Variants in NXPH2 observed in about 807,000 individuals in gnomAD.
NXPH2 encodes neurexophilin-2.
NXPH2 carries 5 observed loss-of-function variants against 19.8 expected under a neutral mutation model. That is an observed-to-expected ratio of 0.25 (90% CI 0.13 to 0.53). The LOEUF (loss-of-function observed/expected upper bound fraction) is 0.53, where lower values mean the gene tolerates loss of function less well. Ranked by LOEUF, NXPH2 falls within the 20% of genes least tolerant of loss-of-function variation. The probability of loss-of-function intolerance (pLI) is 0.96; values close to 1 mark genes in which losing one functional copy is unlikely to be tolerated. For missense variants in NXPH2, 289 were observed against 322.8 expected (o/e 0.90, Z 0.80); for synonymous variants, 154 against 127.4 (o/e 1.21, Z -1.41).
At chr2:138,709,685 G>A (rs62163199) in intron 1 of NXPH2, among the ~76,000 whole-genome samples, 22,316 of 151,840 alleles carry the variant, frequency 0.15, 2,134 homozygotes, top group South Asian at 0.29. Flanking sequence ...TATTCATCCC[G>A]TCCTCTCCCC....
At chr2:138,775,864 T>C (rs1338410515) in intron 1 of NXPH2, among the ~76,000 whole-genome samples, 1 of 152,148 alleles carries the variant, frequency 6.6e-6, no homozygotes, top group East Asian at 1.9e-4. Context: ...AATGCCAGCT[T>C]CTAACCAGCA....
At chr2:138,763,045 T>A (rs1558931932) in intron 1 of NXPH2, among the ~76,000 whole-genome samples, 1 of 152,134 alleles carries the variant, frequency 6.6e-6, no homozygotes, top group Non-Finnish European at 1.5e-5. Context: ...AAACTTTAAA[T>A]CATGAAATAA....
At chr2:138,716,530 T>C (rs1375612487) in intron 1 of NXPH2, among the ~76,000 whole-genome samples, 1 of 152,140 alleles carries the variant, frequency 6.6e-6, no homozygotes, top group East Asian at 1.9e-4. Flanking sequence ...TAAACATCTG[T>C]TGTTTCCAGA....
At position 138,780,291 on chromosome 2, in the gene NXPH2, T is replaced by A; in HGVS notation, c.-50A>T. 7.2e-7 allele frequency: 1 copy of A among 1,381,302 alleles called. No homozygotes were observed. The highest frequency in any genetic ancestry group is 9.3e-7 in the Non-Finnish European group (1 of 1,070,424). The allele number at this position is 1,381,302 out of a possible 1,614,324, so 85.6% of individuals were successfully genotyped here. The stretch of plus-strand genomic sequence containing the variant: ...CGAGCTGCGCGCCCTCGCCTGCCTC[T>A]CGCGCATCTCCACTTCGCGGGGCAG... On this transcript the variant is annotated 5_prime_UTR_variant, in exon 1 of 2. Transcript: ENST00000272641.
At chr2:138,729,607 A>AT (rs1311442465) in intron 1 of NXPH2, among the ~76,000 whole-genome samples, 2 of 152,150 alleles carry the variant, frequency 1.3e-5, no homozygotes, top group African/African-American at 4.8e-5. Flanking sequence ...CACAATCTGA[A>AT]TTTTTTGCTA....
intron 1 of NXPH2, among the ~76,000 whole-genome samples, chr2:138,774,676 C>A (rs1370069133): frequency 6.6e-6 from 1 of 152,200 alleles, no homozygotes; most frequent in Admixed American, 6.5e-5. Context: ...CACATGTGCA[C>A]ACATACACAC....
intron 1 of NXPH2, among the ~76,000 whole-genome samples, chr2:138,761,224 AC>A (rs1351659134): frequency 6.6e-6 from 1 of 152,118 alleles, no homozygotes; most frequent in African/African-American, 2.4e-5. Context: ...CTGCCTAATA[AC>A]AAATTCTTTC....
At chr2:138,758,194 C>T (rs957899049) in intron 1 of NXPH2, among the ~76,000 whole-genome samples, 1 of 152,030 alleles carries the variant, frequency 6.6e-6, no homozygotes, top group African/African-American at 2.4e-5. Context: ...GATACTGCAC[C>T]TCTTTTGACA....
At chr2:138,726,553 CA>C (rs1558923085) in intron 1 of NXPH2, among the ~76,000 whole-genome samples, 14 of 151,552 alleles carry the variant, frequency 9.2e-5, no homozygotes, top group African/African-American at 2.7e-4. Context: ...CACACACACA[CA>C]CACACCCTCC....
intron 1 of NXPH2, among the ~76,000 whole-genome samples, chr2:138,716,702 T>C: frequency 6.6e-6 from 1 of 152,188 alleles, no homozygotes; most frequent in Non-Finnish European, 1.5e-5. Flanking sequence ...AATTGACTGA[T>C]GTAGCTATTG....
intron 1 of NXPH2, among the ~76,000 whole-genome samples, chr2:138,768,184 C>T (rs1333937290): frequency 1.3e-5 from 2 of 152,128 alleles, no homozygotes; most frequent in Admixed American, 1.3e-4. Flanking sequence ...TGCTTGCCTC[C>T]AAGGTAAGTT....
chr2:138,745,395 A>G (rs1681708656), intron 1 of NXPH2, among the ~76,000 whole-genome samples: 1 of 150,032 alleles, frequency 6.7e-6, no homozygotes, highest in African/African-American at 2.5e-5. Flanking sequence ...TCTTTTTGCT[A>G]GTGACTATTA....
chr2:138,684,743 T>C (rs1163161379), intron 1 of NXPH2, among the ~76,000 whole-genome samples: 1 of 152,214 alleles, frequency 6.6e-6, no homozygotes, highest in African/African-American at 2.4e-5. Context: ...CATTGTCCTC[T>C]GGACTTGCTG....
chr2:138,736,895 C>T (rs1399207177), intron 1 of NXPH2, among the ~76,000 whole-genome samples: 8 of 152,208 alleles, frequency 5.3e-5, no homozygotes, highest in Non-Finnish European at 1.2e-4. Flanking sequence ...GGGCAAAATG[C>T]CACCAGCCTC....
At chr2:138,735,833 T>C (rs1426506765) in intron 1 of NXPH2, among the ~76,000 whole-genome samples, 4 of 152,156 alleles carry the variant, frequency 2.6e-5, no homozygotes, top group African/African-American at 9.7e-5. Context: ...GGTACAGGCA[T>C]TGGGTAGATA....
intron 1 of NXPH2, among the ~76,000 whole-genome samples, chr2:138,749,372 C>A (rs1423311592): frequency 6.6e-6 from 1 of 152,082 alleles, no homozygotes; most frequent in Non-Finnish European, 1.5e-5. Flanking sequence ...AATGGACCAA[C>A]ACAACTAGTA....
chr2:138,733,093 A>G (rs1011671162), intron 1 of NXPH2, among the ~76,000 whole-genome samples: 7 of 152,184 alleles, frequency 4.6e-5, no homozygotes, highest in African/African-American at 1.7e-4. Flanking sequence ...GAGAAAAGTG[A>G]ACTTACTGAA....
rs1558918440 is a variant in NXPH2, at chr2:138,707,106, A to AC, written c.52-35442_52-35441insG. Among the ~76,000 whole-genome samples, 176 of 147,022 alleles carry AC rather than the reference A, an allele frequency of 1.2e-3. 3 individuals are homozygous for AC. The highest frequency in any genetic ancestry group is 4.1e-3 in the African/African-American group (167 of 40,734). ...ACTTGCCCCATGACAAAAAAAAAAA[A>AC]AAAAAAGAGCAAGAAGAAGAAGCAA... On this transcript the variant is annotated intron_variant, in intron 1 of 1. Transcript: ENST00000272641.
At chr2:138,711,809 G>A (rs544871097) in intron 1 of NXPH2, among the ~76,000 whole-genome samples, 6 of 152,096 alleles carry the variant, frequency 3.9e-5, no homozygotes, top group Non-Finnish European at 7.3e-5. Context: ...CATTTACACC[G>A]TTCTTTGCTT....
Sources: allele counts gnomAD v4.1 joint callset (sites outside exome capture counted in the v4.1 genomes callset), GRCh38; gene constraint gnomAD v4.1.1; transcripts MANE v1.5; gene names NCBI Gene and HGNC (gene_info 2026-07-23, HGNC 2026-07-21).